MRPS33: variants seen among roughly 807,000 people sequenced by gnomAD.
MRPS33 encodes the protein mitochondrial ribosomal protein S33.
Under a neutral mutation model 11.2 loss-of-function variants are expected in MRPS33, and 11 were observed. That is an observed-to-expected ratio of 0.99 (90% confidence interval 0.62 to 1.63). MRPS33 has a LOEUF of 1.63. MRPS33 is among the 40% of genes most tolerant of loss of function. The pLI is 0.00. For synonymous variants in MRPS33, 46 were observed against 44.0 expected, an observed-to-expected ratio of 1.05 and a Z score of -0.18; for missense variants, 109 against 127.8, an observed-to-expected ratio of 0.85 and a Z score of 0.71.
rs1482666510 is a variant in MRPS33 at position 141,005,014 on chromosome 7, TG to T, written c.*1415del. ...CACCCGCCTCGACCTCCCAAAGTGC[TG>T]GGATTACAGGCGTGAGCCACTGTGC... On this transcript the variant is annotated 3_prime_UTR_variant, in exon 3 of 3. Transcript: ENST00000324787. 3.9e-5 allele frequency: 6 copies of T among 152,316 alleles called. No homozygotes were observed. The highest frequency in any genetic ancestry group is 5.9e-5 in the Non-Finnish European group (4 of 68,138). The allele number at this position is 152,316 out of a possible 1,614,324, so 9.4% of individuals were successfully genotyped here.
At chr7:141,007,858 G>A (rs1047921825) in intron 2 of MRPS33, among the ~76,000 whole-genome samples, 8 of 152,182 alleles carry the variant, frequency 5.3e-5, no homozygotes, top group East Asian at 3.9e-4. Context: ...CTGCTCAGCC[G>A]GCTCTACTAT....
chr7:141,014,952 G>A lies in MRPS33; in HGVS notation c.-69C>T, dbSNP rs1054474341. The A allele has an allele frequency of 2.0e-5, 3 of 152,540 alleles. No individual in the cohort carries two copies. The highest frequency in any genetic ancestry group is 4.4e-5 in the Non-Finnish European group (3 of 68,344). The allele number at this position is 152,540 out of a possible 1,614,324, so 9.4% of individuals were successfully genotyped here. A position where few individuals can be genotyped will look rare whatever the true frequency, so the allele number is the denominator to read the frequency against. On this transcript the variant is annotated 5_prime_UTR_variant, in exon 1 of 3. Transcript: ENST00000324787. ...TCACCCACGCGCCCTCGTCCCGGAA[G>A]GCCCGCCCTCTACCCGGCTCCAAGC...
At chr7:141,012,008 G>A (rs200885474) in intron 1 of MRPS33, among the ~76,000 whole-genome samples, 1 of 44,174 alleles carries the variant, frequency 2.3e-5, no homozygotes, top group African/African-American at 8.0e-5. Flanking sequence ...AAAAACAAAA[G>A]AAAATAAGAA....
In MRPS33 at chr7:141,003,171, T is replaced by A. The variant is rs1005704264; in HGVS notation, c.*3259A>T. ...GTCTATGCACACTGATCCCCACAGGTTAGAAAGCACCAATAGTTTAGGTTT... is the reference window on the plus strand; with the variant it reads ...GTCTATGCACACTGATCCCCACAGGATAGAAAGCACCAATAGTTTAGGTTT... On this transcript the variant is annotated 3_prime_UTR_variant, in exon 3 of 3. Transcript: ENST00000324787. The A allele has an allele frequency of 2.6e-5, 4 of 152,178 alleles. No homozygotes were observed. Among genetic ancestry groups the A allele is most frequent in the African/African-American group, 7.2e-5 (3 of 41,432 alleles). 9.4% of individuals were successfully genotyped at this position (152,178 alleles called of 1,614,324 possible).
In MRPS33 at chr7:141,003,317, T is replaced by G. The variant is rs112997681; in HGVS notation, c.*3113A>C. On this transcript the variant is annotated 3_prime_UTR_variant, in exon 3 of 3. Coordinates refer to ENST00000324787, the MANE Select transcript of MRPS33 (RefSeq NM_053035.3). ...CACTGTTGTCCTGAAATTTGTTGAC[T>G]TCCCTGGTGTCAAGAGTTAACTTTT... is the stretch of plus-strand genomic sequence containing the variant. 376 of 152,354 alleles carry G rather than the reference T, an allele frequency of 2.5e-3. 3 individuals carry two copies. Among genetic ancestry groups the G allele is most frequent in the African/African-American group, 8.4e-3 (351 of 41,578 alleles). The allele number at this position is 152,354 out of a possible 1,614,324, so 9.4% of individuals were successfully genotyped here.
At chr7:141,007,846 T>A (rs1305345555) in intron 2 of MRPS33, among the ~76,000 whole-genome samples, 1 of 152,214 alleles carries the variant, frequency 6.6e-6, no homozygotes, top group African/African-American at 2.4e-5. Flanking sequence ...GCACTCTGGA[T>A]CCTGCTCAGC....
In MRPS33 at chr7:141,010,400, TC is replaced by T. The variant is rs1484352732; in HGVS notation, c.215+18del. ...TGAAAAAAAGTCTCTCATAGGTCCC[TC>T]TTTGTGTTTGTCATCACCTGTAGAG... On this transcript the variant is annotated intron_variant, in intron 2 of 2. Transcript: ENST00000324787. 1 of 1,612,914 alleles carries T rather than the reference TC, an allele frequency of 6.2e-7. No homozygotes were observed. The highest frequency in any genetic ancestry group is 8.5e-7 in the Non-Finnish European group (1 of 1,179,350).
chr7:141,012,594 A>G (rs1405627771), intron 1 of MRPS33, among the ~76,000 whole-genome samples: 2 of 152,192 alleles, frequency 1.3e-5, no homozygotes, highest in African/African-American at 4.8e-5. Flanking sequence ...ACCTTTTTCC[A>G]AACATTAGAT....
Position 141,010,418 on chromosome 7 carries a change from C to G in MRPS33, c.215+1G>C. 1 of 1,614,114 alleles carries G rather than the reference C, an allele frequency of 6.2e-7. No homozygotes were observed. ...AGGTCCCTCTTTGTGTTTGTCATCA[C>G]CTGTAGAGTCCAAGAAATCGGAGCG... On this transcript the variant is annotated splice_donor_variant, in intron 2 of 2. Coordinates refer to ENST00000324787, the MANE Select transcript of MRPS33 (RefSeq NM_053035.3). LOFTEE classifies it high-confidence loss of function.
intron 1 of MRPS33, among the ~76,000 whole-genome samples, chr7:141,012,182 A>AAAAAAAAAAAAAC (rs1820692251): frequency 6.8e-6 from 1 of 147,878 alleles, no homozygotes; most frequent in Non-Finnish European, 1.5e-5. Flanking sequence ...TCAAAAAAAA[A>AAAAAAAAAAAAAC]AAAAAAAAAA....
rs1309055125 is a variant in MRPS33 at position 141,006,089 on chromosome 7, C to T, written c.*341G>A. On this transcript the variant is annotated 3_prime_UTR_variant, in exon 3 of 3. Coordinates refer to ENST00000324787, the MANE Select transcript of MRPS33 (RefSeq NM_053035.3). ...GTAAGCAAGAAGGGAGAAATGAGGA[C>T]ACTATAGGATGCTCACTTAATGAGG... The T allele has an allele frequency of 1.3e-5, 3 of 225,532 alleles. No homozygotes were observed. The highest frequency in any genetic ancestry group is 1.7e-5 in the Non-Finnish European group (2 of 115,344). 14.0% of individuals were successfully genotyped at this position (225,532 alleles called of 1,614,324 possible). A position where few individuals can be genotyped will look rare whatever the true frequency, so the allele number is the denominator to read the frequency against.
intron 2 of MRPS33, among the ~76,000 whole-genome samples, chr7:141,009,501 C>G (rs1269799225): frequency 2.0e-5 from 3 of 151,842 alleles, no homozygotes. Flanking sequence ...CACACACATA[C>G]AAACACATGG....
intron 1 of MRPS33, among the ~76,000 whole-genome samples, chr7:141,012,245 AACC>A (rs1479431480): frequency 6.7e-6 from 1 of 150,132 alleles, no homozygotes; most frequent in African/African-American, 2.5e-5. Flanking sequence ...TCAGAACACC[AACC>A]AAGCAATTTT....
chr7:141,014,344 C>A (rs185648704), intron 1 of MRPS33: 14 of 152,232 alleles, frequency 9.2e-5, no homozygotes, highest in Non-Finnish European at 1.2e-4. Flanking sequence ...AACAAAAAAA[C>A]CCGGTACCGA....
Position 141,004,390 on chromosome 7 carries a change from T to C in MRPS33, c.*2040A>G, listed in dbSNP as rs1232898061. 6.6e-6 allele frequency: 1 copy of C among 152,234 alleles called. No individual in the cohort carries two copies. Among genetic ancestry groups the C allele is most frequent in the Non-Finnish European group, 1.5e-5 (1 of 68,044 alleles). 9.4% of individuals were successfully genotyped at this position (152,234 alleles called of 1,614,324 possible). The stretch of plus-strand genomic sequence containing the variant: ...ACCCAATTTTATTTTATTTTATTTT[T>C]TTAAACAGGCTATAAAATAGGCCCT... On this transcript the variant is annotated 3_prime_UTR_variant, in exon 3 of 3. Transcript: ENST00000324787.
rs190237733 is a variant in MRPS33 at position 141,003,246 on chromosome 7, A to G, written c.*3184T>C. ...AACTGGCTAGTCTAAACTTGGAGTT[A>G]AAGATTTTTTTCTGATTACACTTAG... On this transcript the variant is annotated 3_prime_UTR_variant, in exon 3 of 3. Transcript: ENST00000324787. 4 of 152,352 alleles carry G rather than the reference A, an allele frequency of 2.6e-5. No individual in the cohort carries two copies. The East Asian group carries it at 7.7e-4, about 29-fold the overall frequency. The allele number at this position is 152,352 out of a possible 1,614,324, so 9.4% of individuals were successfully genotyped here. A position where few individuals can be genotyped will look rare whatever the true frequency, so the allele number is the denominator to read the frequency against.
At chr7:141,013,981 G>T (rs1820740486) in intron 1 of MRPS33, among the ~76,000 whole-genome samples, 2 of 152,126 alleles carry the variant, frequency 1.3e-5, no homozygotes, top group African/African-American at 4.8e-5. Context: ...TCTGTATGCC[G>T]ATATGTGTAT....
At chr7:141,006,800 T>C (rs1820543456) in intron 2 of MRPS33, among the ~76,000 whole-genome samples, 1 of 152,108 alleles carries the variant, frequency 6.6e-6, no homozygotes, top group South Asian at 2.1e-4. Context: ...CCAGCCTACA[T>C]AAACCTACAT....
In MRPS33 at chr7:141,014,935, G is replaced by GCGCCCTCGTCCCGGAAGGCC. The variant is rs1468094466; in HGVS notation, c.-53_-52insGGCCTTCCGGGACGAGGGCG. The GCGCCCTCGTCCCGGAAGGCC allele has an allele frequency of 5.2e-5, 8 of 152,424 alleles. No individual in the cohort carries two copies. Among genetic ancestry groups the GCGCCCTCGTCCCGGAAGGCC allele is most frequent in the African/African-American group, 1.7e-4 (7 of 41,406 alleles). 9.4% of individuals were successfully genotyped at this position (152,424 alleles called of 1,614,324 possible). On this transcript the variant is annotated 5_prime_UTR_variant, in exon 1 of 3. Coordinates refer to ENST00000324787, the MANE Select transcript of MRPS33 (RefSeq NM_053035.3). ...CCTAGACCTGACCTTCCTCACCCAC[G>GCGCCCTCGTCCCGGAAGGCC]CGCCCTCGTCCCGGAAGGCCCGCCC... is the stretch of plus-strand genomic sequence containing the variant.
Sources: gnomAD v4.1 joint callset for allele counts (sites outside exome capture counted in the v4.1 genomes callset) on GRCh38, gnomAD v4.1.1 for gene constraint, MANE v1.5 for transcripts, NCBI Gene and HGNC (gene_info 2026-07-23, HGNC 2026-07-21) for gene names.